The following HEATR1 variants were observed in gnomAD, a reference collection of about 807,000 sequenced individuals.
The protein encoded by HEATR1 is HEAT repeat containing 1, also known as HEAT repeat-containing protein 1.
Under a neutral mutation model 248.2 loss-of-function variants are expected in HEATR1, and 77 were observed. The observed-to-expected ratio is 0.31, with a 90% CI of 0.26 to 0.37. The LOEUF (loss-of-function observed/expected upper bound fraction) is 0.37. Ranked by LOEUF, HEATR1 falls within the 10% of genes least tolerant of loss-of-function variation. The probability of loss-of-function intolerance (pLI) is 1.00; values close to 1 mark genes in which losing one functional copy is unlikely to be tolerated. For synonymous variants in HEATR1, 897 were observed against 923.1 expected, an observed-to-expected ratio of 0.97 and a Z score of 0.51; for missense variants, 2,420 against 2,504.9, an observed-to-expected ratio of 0.97 and a Z score of 0.72.
intron 20 of HEATR1, among the ~76,000 whole-genome samples, chr1:236,579,178 C>T (rs1558185944): frequency 6.6e-6 from 1 of 152,192 alleles, no homozygotes; most frequent in Non-Finnish European, 1.5e-5. Context: ...CCACACCTGA[C>T]CTCATGTGAC....
chr1:236,572,606 A>T lies in HEATR1; in HGVS notation c.3564-52T>A, dbSNP rs771302936. On this transcript the variant is annotated intron_variant, in intron 25 of 44. Coordinates refer to ENST00000366582, the MANE Select transcript of HEATR1 (RefSeq NM_018072.6). ...GGAAAAGCAAACTCTATCATGTGCT[A>T]AGTAAAAACCATTGTGCCTGATTAT... 3.1e-6 allele frequency: 5 copies of T among 1,609,700 alleles called. No homozygotes were observed. In the South Asian group the frequency reaches 5.5e-5, roughly 18 times the overall value.
At chr1:236,587,898 C>A in intron 13 of HEATR1, 50 bp downstream of exon 13, 1 of 1,306,836 alleles carries the variant, frequency 7.7e-7, no homozygotes, top group East Asian at 2.4e-5. Flanking sequence ...GTGAGAAGGG[C>A]AAGGAAATTT....
In HEATR1 at chr1:236,566,728, T is replaced by C. The variant is rs779787737; in HGVS notation, c.4226A>G (p.Glu1409Gly). 42 of 1,614,028 alleles carry C rather than the reference T, an allele frequency of 2.6e-5. No homozygotes were observed. The Admixed American group carries it at 6.8e-4, about 26-fold the overall frequency. ...LVQLVDTLGAEKFLWILLILL... is the reference protein window; with the variant it reads ...LVQLVDTLGAGKFLWILLILL... The stretch of plus-strand genomic sequence containing the variant: ...GATGAGGAGAATCCAGAGGAATTTC[T>C]CTGCACCCAGTGTATCAACAAGTTG... Residue 1409 changes from glutamate (E) to glycine (G), a missense_variant, in exon 30 of 45, where the codon GAG (glutamate) becomes GGG (glycine). Coordinates refer to ENST00000366582, the MANE Select transcript of HEATR1 (RefSeq NM_018072.6).
At position 236,572,007 on chromosome 1, in the gene HEATR1, T is replaced by TAC. The variant is rs762042200; in HGVS notation, c.3708-323_3708-322dup. ...CACACGCTACAATTCATACTCAATT[T>TAC]ACACACACACATACACAAATCTACG... On this transcript the variant is annotated intron_variant, in intron 26 of 44. Transcript: ENST00000366582. Among the ~76,000 whole-genome samples, 339 of 152,148 alleles carry TAC rather than the reference T, an allele frequency of 2.2e-3. 3 individuals are homozygous for TAC. Among genetic ancestry groups the TAC allele is most frequent in the Admixed American group, 6.0e-3 (91 of 15,284 alleles).
At chr1:236,588,184 C>T in intron 12 of HEATR1, 141 bp from the exon 13 acceptor site, 1 of 531,736 alleles carries the variant, frequency 1.9e-6, no homozygotes, top group Non-Finnish European at 3.4e-6. Context: ...AGGACTGAAA[C>T]ACACTAGAAC....
In HEATR1 at chr1:236,582,813, G is replaced by C. The variant is rs1480235985; in HGVS notation, c.2485C>G (p.Leu829Val). The change falls in exon 19 of 45, where the codon CTC (leucine) becomes GTC (valine). Residue 829 changes from leucine (L) to valine (V), a missense_variant. Transcript: ENST00000366582. ...KEDSRDYLHLLIGLFEMMLNG... is the reference protein window; with the variant it reads ...KEDSRDYLHLVIGLFEMMLNG... Reference sequence around the variant, plus strand: ...AGCATCATCTCAAACAGCCCAATGAGCAAGTGCAGATAGTCCCTGCTGTCT... The same window carrying C: ...AGCATCATCTCAAACAGCCCAATGACCAAGTGCAGATAGTCCCTGCTGTCT... 6.2e-7 allele frequency: 1 copy of C among 1,613,966 alleles called. No individual in the cohort carries two copies. The highest frequency in any genetic ancestry group is 8.5e-7 in the Non-Finnish European group (1 of 1,179,852).
At chr1:236,588,681 A>AT in intron 12 of HEATR1, among the ~76,000 whole-genome samples, 1 of 152,398 alleles carries the variant, frequency 6.6e-6, no homozygotes, top group African/African-American at 2.4e-5. Context: ...AACAATGTAT[A>AT]TTCATTCACA....
In HEATR1 at chr1:236,555,613, CAA is replaced by C; in HGVS notation, c.5690_5691del (p.Ile1897ArgfsTer24). 1 of 1,614,206 alleles carries C rather than the reference CAA, an allele frequency of 6.2e-7. No individual in the cohort carries two copies. Among genetic ancestry groups the C allele is most frequent in the Non-Finnish European group, 8.5e-7 (1 of 1,180,040 alleles). On this transcript the variant is annotated frameshift_variant, in exon 40 of 45. Transcript: ENST00000366582. LOFTEE classifies it high-confidence loss of function. ...TTGACAACCATGGCTACTAGACAGT[CAA>C]TGATACAATTTTCCGTTTTTCCAAC... ...EEVGKTENCI[I>X]DCLVAMVVKL...
Position 236,576,386 on chromosome 1 carries a change from C to A in HEATR1, c.2926-9G>T. 6.4e-7 allele frequency: 1 copy of A among 1,551,982 alleles called. No individual in the cohort carries two copies. The highest frequency in any genetic ancestry group is 8.7e-7 in the Non-Finnish European group (1 of 1,155,108). On this transcript the variant is annotated splice_polypyrimidine_tract_variant and intron_variant, in intron 21 of 44. Transcript: ENST00000366582. ...AATAAAGTAGCCAAATCCTAAGATA[C>A]CAAAAAGAAAATTGGATAAAAAAGG... is the stretch of plus-strand genomic sequence containing the variant.
In HEATR1 at chr1:236,604,471, C is replaced by A. The variant is rs920027293; in HGVS notation, c.-82G>T. 5.9e-6 allele frequency: 1 copy of A among 170,632 alleles called. No individual in the cohort carries two copies. The highest frequency in any genetic ancestry group is 1.2e-5 in the Non-Finnish European group (1 of 80,788). The allele number at this position is 170,632 out of a possible 1,614,324, so 10.6% of individuals were successfully genotyped here. A position where few individuals can be genotyped will look rare whatever the true frequency, so the allele number is the denominator to read the frequency against. On this transcript the variant is annotated 5_prime_UTR_variant, in exon 1 of 45. Coordinates refer to ENST00000366582, the MANE Select transcript of HEATR1 (RefSeq NM_018072.6). Reference sequence around the variant, plus strand: ...CTTGGAAGGCAACAACTCTTCACAGCGCTTCCCACATGGTACCAAGGAGCC... The same window carrying A: ...CTTGGAAGGCAACAACTCTTCACAGAGCTTCCCACATGGTACCAAGGAGCC...
intron 3 of HEATR1, 139 bp from the exon 4 acceptor site, chr1:236,599,763 T>A: frequency 1.3e-6 from 1 of 744,368 alleles, no homozygotes; most frequent in Middle Eastern, 2.7e-4. Flanking sequence ...AATTATAAGA[T>A]ACAGAGCATT....
At chr1:236,562,761 C>CTCTT (rs10666901) in intron 32 of HEATR1, among the ~76,000 whole-genome samples, 152,258 of 152,358 alleles carry the variant, frequency 1, 76,080 homozygotes, top group Middle Eastern at 1. Flanking sequence ...CACAGTGTCT[C>CTCTT]TCTATTTCTT....
chr1:236,585,529 C>A (rs1663862593), intron 16 of HEATR1, among the ~76,000 whole-genome samples: 1 of 151,798 alleles, frequency 6.6e-6, no homozygotes, highest in Admixed American at 6.6e-5. Context: ...TTAACAACAA[C>A]AACAACAAAA....
chr1:236,604,153 A>G, intron 1 of HEATR1, 26 bp from the exon 2 acceptor site: 1 of 1,506,318 alleles, frequency 6.6e-7, no homozygotes. Flanking sequence ...CACTTTGATA[A>G]GTTTCTACGA....
chr1:236,560,596 C>A (rs961224792), intron 33 of HEATR1, among the ~76,000 whole-genome samples: 2 of 152,230 alleles, frequency 1.3e-5, no homozygotes, highest in Non-Finnish European at 1.5e-5. Context: ...ACATTCCTGG[C>A]TGCAGGGCAG....
In HEATR1 at chr1:236,569,155, T is replaced by A. The variant is rs1028966822; in HGVS notation, c.3949-31A>T. 5.9e-6 allele frequency: 9 copies of A among 1,531,236 alleles called. No individual in the cohort carries two copies. The African/African-American group carries it at 1.1e-4, about 19-fold the overall frequency. The allele number at this position is 1,531,236 out of a possible 1,614,324, so 94.9% of individuals were successfully genotyped here. A position where few individuals can be genotyped will look rare whatever the true frequency, so the allele number is the denominator to read the frequency against. On this transcript the variant is annotated intron_variant, in intron 28 of 44. Transcript: ENST00000366582. The stretch of plus-strand genomic sequence containing the variant: ...AGAAAACACAACTATCAACATTTTT[T>A]ATTTCTGTTAATTTCTACTAATTTT...
At chr1:236,583,484 CTTTTTTTT>C (rs373107503) in intron 17 of HEATR1, among the ~76,000 whole-genome samples, 3 of 115,246 alleles carry the variant, frequency 2.6e-5, no homozygotes, top group African/African-American at 6.4e-5. Context: ...AGGCATATTT[CTTTTTTTT>C]TTTTTTTTTT....
At chr1:236,590,096 T>C (rs1042739643) in intron 12 of HEATR1, among the ~76,000 whole-genome samples, 7 of 152,238 alleles carry the variant, frequency 4.6e-5, no homozygotes, top group African/African-American at 1.7e-4. Context: ...TCAGCCTCAA[T>C]ACATATTTGA....
At chr1:236,564,831 G>A (rs963386553) in intron 31 of HEATR1, among the ~76,000 whole-genome samples, 170 bp from the exon 32 acceptor site, 1 of 149,932 alleles carries the variant, frequency 6.7e-6, no homozygotes, top group African/African-American at 2.4e-5. Flanking sequence ...AGTGAAAAAC[G>A]TGAGTGTATT....
Sources: gnomAD v4.1 joint callset for allele counts (sites outside exome capture counted in the v4.1 genomes callset) on GRCh38, gnomAD v4.1.1 for gene constraint, MANE v1.5 for transcripts, NCBI Gene and HGNC (gene_info 2026-07-23, HGNC 2026-07-21) for gene names.